The following RAD18 variants were observed in gnomAD, a reference collection of about 807,000 sequenced individuals.
The protein encoded by RAD18 is E3 ubiquitin-protein ligase RAD18.
Under a neutral mutation model 60.4 loss-of-function variants are expected in RAD18, and 47 were observed. The ratio of observed to expected loss-of-function variants is 0.78; its 90% confidence interval spans 0.62 to 0.99. The LOEUF is 0.99. Among genes scored for constraint, RAD18 ranks in the 50% least tolerant of loss-of-function variants. The probability of loss-of-function intolerance (pLI) is 0.00; values close to 1 mark genes in which losing one functional copy is unlikely to be tolerated. For synonymous variants in RAD18, 225 were observed against 195.5 expected (o/e 1.15, Z -1.26); for missense variants, 640 against 593.3 (o/e 1.08, Z -0.82).
At chr3:8,950,288 G>A (rs2124839881) in intron 2 of RAD18, among the ~76,000 whole-genome samples, 1 of 152,214 alleles carries the variant, frequency 6.6e-6, no homozygotes, top group East Asian at 1.9e-4. Context: ...GCCCACCTCG[G>A]CCTCCCAGAG....
chr3:8,920,227 C>T (rs954100904), intron 7 of RAD18, among the ~76,000 whole-genome samples: 31 of 144,018 alleles, frequency 2.2e-4, no homozygotes, highest in African/African-American at 6.5e-4. Flanking sequence ...TGCAGTGAGC[C>T]GAGATCGTGC....
chr3:8,911,800 A>C (rs1319830784), intron 9 of RAD18, among the ~76,000 whole-genome samples: 1 of 152,260 alleles, frequency 6.6e-6, no homozygotes, highest in African/African-American at 2.4e-5. Context: ...CCACACAAAG[A>C]GTAACAGCTA....
At chr3:8,944,417 TCCTAG>T in intron 4 of RAD18, among the ~76,000 whole-genome samples, 1 of 152,224 alleles carries the variant, frequency 6.6e-6, no homozygotes, top group Admixed American at 6.5e-5. Flanking sequence ...ATACCCATAG[TCCTAG>T]CTAATTGGGA....
chr3:8,951,177 T>C (rs1365842707), intron 2 of RAD18, among the ~76,000 whole-genome samples: 1 of 152,058 alleles, frequency 6.6e-6, no homozygotes, highest in Non-Finnish European at 1.5e-5. Context: ...CCAGGATAAA[T>C]GCAAAAACAA....
intron 6 of RAD18, among the ~76,000 whole-genome samples, chr3:8,938,182 T>C (rs1180599630): frequency 6.6e-6 from 1 of 152,194 alleles, no homozygotes; most frequent in African/African-American, 2.4e-5. Context: ...AAAATCTAAA[T>C]TTTATTCTCA....
intron 2 of RAD18, among the ~76,000 whole-genome samples, chr3:8,949,812 C>T (rs917830365): frequency 2.0e-5 from 3 of 152,088 alleles, no homozygotes; most frequent in East Asian, 1.9e-4. Context: ...GAATTGCTGG[C>T]GGCTCAGTGT....
chr3:8,890,800 C>T (rs1253995584), intron 11 of RAD18, among the ~76,000 whole-genome samples: 1 of 152,176 alleles, frequency 6.6e-6, no homozygotes, highest in Non-Finnish European at 1.5e-5. Context: ...CCTGCTACTC[C>T]TTACCTTGGA....
Position 8,902,415 on chromosome 3 carries a change from T to A in RAD18, c.1133A>T (p.Asp378Val), listed in dbSNP as rs200199070. The change falls in exon 10 of 13, where the codon GAT becomes GTT. Residue 378 changes from aspartate (D) to valine (V), a missense_variant. Physicochemically the swap from Asp to Val is radical, Grantham distance 152 (BLOSUM62 -3). Transcript: ENST00000264926. ...SQKTVTITKEDESTEKLSSVC... is the reference protein window; with the variant it reads ...SQKTVTITKEVESTEKLSSVC... ...AGAAGATAGCTTTTCTGTAGATTCA[T>A]CTTCTTTTGTTATTGTTACTGTTTT... The A allele has an allele frequency of 1.3e-4, 207 of 1,609,392 alleles. No individual in the cohort carries two copies. The highest frequency in any genetic ancestry group is 1.7e-4 in the Non-Finnish European group (197 of 1,177,370).
intron 11 of RAD18, among the ~76,000 whole-genome samples, chr3:8,894,367 C>G (rs1440742276): frequency 6.6e-6 from 1 of 152,078 alleles, no homozygotes; most frequent in Non-Finnish European, 1.5e-5. Flanking sequence ...AGAGATGAAA[C>G]CAAGCAACAA....
intron 7 of RAD18, among the ~76,000 whole-genome samples, chr3:8,921,885 T>C (rs1035955992): frequency 6.6e-6 from 1 of 152,144 alleles, no homozygotes; most frequent in South Asian, 2.1e-4. Context: ...AGTAACAAGG[T>C]ATTATAGAGT....
At chr3:8,927,517 C>T (rs1338897000) in intron 7 of RAD18, among the ~76,000 whole-genome samples, 5 of 152,198 alleles carry the variant, frequency 3.3e-5, no homozygotes, top group African/African-American at 1.2e-4. Flanking sequence ...CCTCAGGGAT[C>T]TACAGCTAGA....
At position 8,948,546 on chromosome 3, in the gene RAD18, A is replaced by T; in HGVS notation, c.158T>A (p.Phe53Tyr). 6.2e-7 allele frequency: 1 copy of T among 1,612,996 alleles called. No homozygotes were observed. Among genetic ancestry groups the T allele is most frequent in the Middle Eastern group, 1.7e-4 (1 of 6,038 alleles). The change falls in exon 3 of 13, where the codon TTT (phenylalanine) becomes TAT (tyrosine). Residue 53 changes from phenylalanine (F) to tyrosine (Y), a missense_variant. Coordinates refer to ENST00000264926, the MANE Select transcript of RAD18 (RefSeq NM_020165.4). ...TGGACACTGAGTTTTATAGGACAGA[A>T]ATTTTCTTATACAGAGAGAGCAGTC... is the stretch of plus-strand genomic sequence containing the variant. ...HNYCSLCIRKFLSYKTQCPTC... is the reference protein window; with the variant it reads ...HNYCSLCIRKYLSYKTQCPTC...
chr3:8,933,858 A>G (rs1940605273), intron 7 of RAD18, among the ~76,000 whole-genome samples: 2 of 152,330 alleles, frequency 1.3e-5, no homozygotes, highest in South Asian at 4.2e-4. Context: ...AATAAACAAA[A>G]CTGGAAGAAC....
At position 8,906,906 on chromosome 3, in the gene RAD18, C is replaced by T. The variant is rs558784788; in HGVS notation, c.1028-4386G>A. On this transcript the variant is annotated intron_variant, in intron 9 of 12. Coordinates refer to ENST00000264926, the MANE Select transcript of RAD18 (RefSeq NM_020165.4). ...TTCTTCTTTGACCTATGGGTTATTTCGAAATGGATTATTTAATTTCCAAAT... is the reference window on the plus strand; with the variant it reads ...TTCTTCTTTGACCTATGGGTTATTTTGAAATGGATTATTTAATTTCCAAAT... 1.4e-3 allele frequency among the ~76,000 whole-genome samples: 206 copies of T among 151,406 alleles called. 1 individual carries two copies. The highest frequency in any genetic ancestry group is 4.5e-3 in the African/African-American group (187 of 41,256).
intron 7 of RAD18, among the ~76,000 whole-genome samples, chr3:8,931,893 G>C (rs1029523661): frequency 1.3e-5 from 2 of 152,144 alleles, no homozygotes; most frequent in Non-Finnish European, 2.9e-5. Flanking sequence ...TAATTCAATG[G>C]GGAAAGGATA....
chr3:8,923,116 G>C (rs905554155), intron 7 of RAD18, among the ~76,000 whole-genome samples: 1 of 152,104 alleles, frequency 6.6e-6, no homozygotes, highest in African/African-American at 2.4e-5. Context: ...AAACTTCCCC[G>C]AGCTAAAGGA....
chr3:8,937,871 C>T (rs996589770), intron 6 of RAD18, among the ~76,000 whole-genome samples: 1 of 152,104 alleles, frequency 6.6e-6, no homozygotes, highest in Non-Finnish European at 1.5e-5. Context: ...TTCTTTGAAG[C>T]AGGAATTTAA....
chr3:8,957,109 G>A (rs1941027990), intron 2 of RAD18, among the ~76,000 whole-genome samples: 1 of 152,178 alleles, frequency 6.6e-6, no homozygotes, highest in African/African-American at 2.4e-5. Context: ...GTCAGAAGAC[G>A]AAAGGTCAAT....
chr3:8,903,170 T>C (rs888308212), intron 9 of RAD18, among the ~76,000 whole-genome samples: 3 of 152,158 alleles, frequency 2.0e-5, no homozygotes, highest in African/African-American at 7.2e-5. Context: ...CTTTTTATCT[T>C]CTCCCTTCCT....
Sources: allele counts gnomAD v4.1 joint callset (sites outside exome capture counted in the v4.1 genomes callset), GRCh38; gene constraint gnomAD v4.1.1; transcripts MANE v1.5; gene names NCBI Gene and HGNC (gene_info 2026-07-23, HGNC 2026-07-21).